REV1: variants seen among roughly 807,000 people sequenced by gnomAD.
REV1 encodes the protein REV1 DNA directed polymerase, also known as translesion synthesis protein REV1.
In REV1, 42 loss-of-function variants were observed where a neutral mutation model predicts 137.4. The ratio of observed to expected loss-of-function variants is 0.31; its 90% CI spans 0.24 to 0.40. The LOEUF (loss-of-function observed/expected upper bound fraction) is 0.40, where lower values mean the gene tolerates loss of function less well. Among genes scored for constraint, REV1 ranks in the 10% least tolerant of loss-of-function variants. The probability of loss-of-function intolerance (pLI) is 1.00; values close to 1 mark genes in which losing one functional copy is unlikely to be tolerated. For missense variants in REV1, 1,282 were observed against 1,490.1 expected (o/e 0.86, Z 2.30); for synonymous variants, 524 against 519.2 (o/e 1.01, Z -0.12).
intron 6 of REV1, chr2:99,436,686 G>T (rs964468524): frequency 6.6e-6 from 1 of 152,206 alleles, no homozygotes; most frequent in South Asian, 2.1e-4. Flanking sequence ...GCTACAAAGA[G>T]ATTCATCAGG....
intron 8 of REV1, among the ~76,000 whole-genome samples, chr2:99,430,509 GC>G (rs1679979654): frequency 6.6e-6 from 1 of 152,076 alleles, no homozygotes; most frequent in Non-Finnish European, 1.5e-5. Flanking sequence ...CTAAATTCAA[GC>G]TTTTTCTTTT....
intron 1 of REV1, among the ~76,000 whole-genome samples, chr2:99,468,277 T>C (rs553195466): frequency 6.6e-6 from 1 of 152,148 alleles, no homozygotes; most frequent in Admixed American, 6.5e-5. Context: ...CGCCAATGCC[T>C]CTGTAATAAC....
intron 1 of REV1, among the ~76,000 whole-genome samples, chr2:99,486,300 C>T (rs1209746818): frequency 6.6e-6 from 1 of 152,140 alleles, no homozygotes; most frequent in East Asian, 1.9e-4. Context: ...GAGGCTGAGG[C>T]GGGCGGATCA....
intron 1 of REV1, among the ~76,000 whole-genome samples, chr2:99,471,524 T>C (rs1334510519): frequency 4.6e-5 from 7 of 152,094 alleles, no homozygotes; most frequent in African/African-American, 1.7e-4. Context: ...GCAATGACTT[T>C]TTGGGGAAAA....
At chr2:99,451,203 A>C in intron 3 of REV1, 1 of 390,522 alleles carries the variant, frequency 2.6e-6, no homozygotes, top group Non-Finnish European at 3.8e-6. Context: ...GAAATCTAAA[A>C]AATTAATTTG....
At position 99,476,817 on chromosome 2, in the gene REV1, T is replaced by C. The variant is rs186695804; in HGVS notation, c.-10-11832A>G. 2.5e-3 allele frequency among the ~76,000 whole-genome samples: 381 copies of C among 152,296 alleles called. 7 individuals carry two copies. Among genetic ancestry groups the C allele is most frequent in the East Asian group, 3.1e-3 (16 of 5,188 alleles). On this transcript the variant is annotated intron_variant, in intron 1 of 22. Coordinates refer to ENST00000258428, the MANE Select transcript of REV1 (RefSeq NM_016316.4). Reference sequence around the variant, plus strand: ...TGATAGGCAATCTCCATGAGTAGTGTCACACATCAGTGCCAGAAGTTGGCA... The same window carrying C: ...TGATAGGCAATCTCCATGAGTAGTGCCACACATCAGTGCCAGAAGTTGGCA...
At chr2:99,436,505 C>A (rs1575096352) in intron 6 of REV1, 2 of 153,428 alleles carry the variant, frequency 1.3e-5, no homozygotes, top group African/African-American at 4.8e-5. Context: ...CTTTAAACTA[C>A]CATGTTGCTG....
intron 12 of REV1, 37 bp downstream of exon 12, chr2:99,418,791 C>A (rs745862904): frequency 3.2e-6 from 5 of 1,575,448 alleles, no homozygotes; most frequent in Non-Finnish European, 3.5e-6. Flanking sequence ...ACTTGTAATG[C>A]CTGTAATAAA....
Position 99,404,562 on chromosome 2 carries a change from C to T in REV1, c.2927G>A (p.Gly976Asp), listed in dbSNP as rs749370660. ...HGDKKKEPVN[G>D]CNTGILPQPV... ...TTGTGGCAAAATTCCTGTATTACAG[C>T]CATTTACTGGTTCTTTCTTTTTGTC... The change falls in exon 18 of 23, where the codon GGC (glycine) becomes GAC (aspartate). Residue 976 changes from glycine to aspartate, a missense_variant. Coordinates refer to ENST00000258428, the MANE Select transcript of REV1 (RefSeq NM_016316.4). 2.5e-6 allele frequency: 4 copies of T among 1,613,992 alleles called. No individual in the cohort carries two copies. The highest frequency in any genetic ancestry group is 1.7e-6 in the Non-Finnish European group (2 of 1,179,980).
intron 11 of REV1, 28 bp from the exon 12 acceptor site, chr2:99,418,975 A>T: frequency 6.5e-7 from 1 of 1,550,280 alleles, no homozygotes; most frequent in Non-Finnish European, 8.8e-7. Context: ...CATCCAAGAA[A>T]TAGTCACAAT....
intron 1 of REV1, among the ~76,000 whole-genome samples, chr2:99,467,848 C>A (rs1439387436): frequency 1.3e-5 from 2 of 152,074 alleles, no homozygotes; most frequent in African/African-American, 2.4e-5. Flanking sequence ...GAGTTGGAGA[C>A]CAGTCTGGCC....
intron 1 of REV1, among the ~76,000 whole-genome samples, chr2:99,487,278 A>T (rs1012554547): frequency 8.2e-6 from 1 of 122,536 alleles, no homozygotes; most frequent in Non-Finnish European, 1.8e-5. Context: ...ACTAAGATTC[A>T]AATGTAAGTG....
At chr2:99,480,476 G>GT (rs1292621118) in intron 1 of REV1, among the ~76,000 whole-genome samples, 3 of 152,302 alleles carry the variant, frequency 2.0e-5, no homozygotes, top group South Asian at 2.1e-4. Flanking sequence ...ACCTTACTTT[G>GT]TAAGTTTTAA....
At chr2:99,424,661 T>C (rs1435216272) in intron 9 of REV1, 5 of 935,638 alleles carry the variant, frequency 5.3e-6, no homozygotes, top group Non-Finnish European at 5.8e-6. Flanking sequence ...CTTCCCCTAA[T>C]ACAAGGCACA....
At chr2:99,444,390 C>T (rs1000305520) in intron 4 of REV1, among the ~76,000 whole-genome samples, 6 of 152,212 alleles carry the variant, frequency 3.9e-5, no homozygotes, top group East Asian at 1.9e-4. Flanking sequence ...ATCATTCTCG[C>T]TTTTCCTGCC....
intron 8 of REV1, 34 bp downstream of exon 8, chr2:99,434,298 G>A: frequency 7.2e-7 from 1 of 1,393,672 alleles, no homozygotes; most frequent in Non-Finnish European, 9.9e-7. Flanking sequence ...CCATCCACAG[G>A]AGCACTAAGA....
chr2:99,417,268 T>C (rs1266966130), intron 12 of REV1, among the ~76,000 whole-genome samples: 1 of 152,078 alleles, frequency 6.6e-6, no homozygotes, highest in African/African-American at 2.4e-5. Context: ...GCCTCCTGAG[T>C]AGCTGGGACT....
At chr2:99,451,336 A>G in intron 3 of REV1, 1 of 1,236,290 alleles carries the variant, frequency 8.1e-7, no homozygotes, top group South Asian at 1.4e-5. Context: ...ATACTCATAA[A>G]GTACTCACCC....
At chr2:99,432,605 A>G (rs1259424030) in intron 8 of REV1, among the ~76,000 whole-genome samples, 1 of 152,242 alleles carries the variant, frequency 6.6e-6, no homozygotes, top group Admixed American at 6.5e-5. Context: ...AAAGTAAATG[A>G]CATCAAGTTA....
Sources: allele counts gnomAD v4.1 joint callset (sites outside exome capture counted in the v4.1 genomes callset), GRCh38; gene constraint gnomAD v4.1.1; transcripts MANE v1.5; gene names NCBI Gene and HGNC (gene_info 2026-07-23, HGNC 2026-07-21).